SLC4A4: variants seen among roughly 807,000 people sequenced by gnomAD.
SLC4A4 encodes electrogenic sodium bicarbonate cotransporter 1.
SLC4A4 carries 27 observed loss-of-function variants against 111.5 expected under a neutral mutation model. The observed-to-expected ratio is 0.24, with a 90% CI of 0.18 to 0.33. SLC4A4 has a LOEUF of 0.33. Among genes scored for constraint, SLC4A4 ranks in the 10% least tolerant of loss-of-function variants. The pLI is 1.00. For synonymous variants in SLC4A4, 443 were observed against 463.4 expected, an observed-to-expected ratio of 0.96 and a Z score of 0.57; for missense variants, 909 against 1,315.5, an observed-to-expected ratio of 0.69 and a Z score of 4.78.
At chr4:71,212,882 G>T (rs903704601) in intron 1 of SLC4A4, among the ~76,000 whole-genome samples, 29 of 152,126 alleles carry the variant, frequency 1.9e-4, no homozygotes, top group African/African-American at 6.5e-4. Context: ...CGATGTTTTG[G>T]TCAATGATGG....
intron 3 of SLC4A4, among the ~76,000 whole-genome samples, chr4:71,274,128 A>G (rs1427322493): frequency 1.3e-5 from 2 of 152,206 alleles, no homozygotes; most frequent in African/African-American, 2.4e-5. Flanking sequence ...TGTATTATAT[A>G]CTGTATTCAT....
intron 3 of SLC4A4, among the ~76,000 whole-genome samples, chr4:71,302,674 C>A (rs1725368296): frequency 6.6e-6 from 1 of 152,156 alleles, no homozygotes; most frequent in Admixed American, 6.5e-5. Context: ...TAGTTTTTGA[C>A]AGCCTGTTTC....
At chr4:71,179,094 T>A (rs539653009) in intron 2 of SLC4A4, among the ~76,000 whole-genome samples, 5 of 152,226 alleles carry the variant, frequency 3.3e-5, no homozygotes, top group Non-Finnish European at 7.4e-5. Flanking sequence ...ACAGAACCAA[T>A]GACAAAAACC....
chr4:71,261,330 T>C (rs1721839925), intron 3 of SLC4A4, among the ~76,000 whole-genome samples: 1 of 152,224 alleles, frequency 6.6e-6, no homozygotes, highest in Non-Finnish European at 1.5e-5. Context: ...TTCCCCGTTC[T>C]GGATGCCTGA....
At chr4:71,080,949 G>A (rs1328737883) in intron 1 of SLC4A4, among the ~76,000 whole-genome samples, 1 of 152,104 alleles carries the variant, frequency 6.6e-6, no homozygotes, top group African/African-American at 2.4e-5. Flanking sequence ...TTAATCAGCT[G>A]CAGTTTCTTC....
chr4:71,287,393 A>G (rs1724002731), intron 3 of SLC4A4, among the ~76,000 whole-genome samples: 1 of 152,268 alleles, frequency 6.6e-6, no homozygotes, highest in African/African-American at 2.4e-5. Flanking sequence ...TGATCTGCAT[A>G]CATTCTGATA....
intron 6 of SLC4A4, among the ~76,000 whole-genome samples, chr4:71,383,776 CTTTTTTCATGATA>C (rs1321392917): frequency 6.6e-6 from 1 of 151,978 alleles, no homozygotes; most frequent in Non-Finnish European, 1.5e-5. Context: ...CTTATTTTGT[CTTTTTTCATGATA>C]TTAATAACAT....
chr4:71,332,420 T>C (rs1472710150), intron 3 of SLC4A4, among the ~76,000 whole-genome samples: 1 of 151,892 alleles, frequency 6.6e-6, no homozygotes, highest in African/African-American at 2.4e-5. Flanking sequence ...TCTTTTTTCT[T>C]TTGTCTCCTC....
At chr4:71,450,628 C>T (rs1156310425) in intron 10 of SLC4A4, 85 bp downstream of exon 10, 17 of 1,265,396 alleles carry the variant, frequency 1.3e-5, no homozygotes, top group Admixed American at 1.0e-4. Flanking sequence ...TGAAGTCAAC[C>T]TGTTGTTCTA....
intron 4 of SLC4A4, among the ~76,000 whole-genome samples, chr4:71,345,110 T>C (rs546990833): frequency 1.3e-5 from 2 of 152,236 alleles, no homozygotes; most frequent in South Asian, 2.1e-4. Flanking sequence ...TCTTCCAAAA[T>C]AGAGCACAAG....
chr4:71,189,648 A>C (rs1048345691), intron 1 of SLC4A4, among the ~76,000 whole-genome samples: 7 of 152,204 alleles, frequency 4.6e-5, no homozygotes, highest in African/African-American at 1.4e-4. Context: ...AATGCACACT[A>C]GCTGGTGAAT....
chr4:71,471,114 A>T (rs905675320), intron 13 of SLC4A4, among the ~76,000 whole-genome samples: 2 of 152,018 alleles, frequency 1.3e-5, no homozygotes, highest in East Asian at 3.9e-4. Context: ...TTGAGCTATC[A>T]TAGGAACAGT....
chr4:71,380,570 C>T (rs145874777), intron 6 of SLC4A4, among the ~76,000 whole-genome samples: 230 of 152,294 alleles, frequency 1.5e-3, no homozygotes, highest in African/African-American at 5.3e-3. Context: ...GCATCTGGGT[C>T]CTGGCCTGAG....
chr4:71,171,875 G>C (rs577877820), intron 2 of SLC4A4, among the ~76,000 whole-genome samples: 101 of 152,304 alleles, frequency 6.6e-4, no homozygotes, highest in African/African-American at 2.4e-3. Context: ...TAAATAAATA[G>C]TCAATACTTT....
chr4:71,284,103 T>C (rs1418656627), intron 3 of SLC4A4, among the ~76,000 whole-genome samples: 1 of 152,234 alleles, frequency 6.6e-6, no homozygotes, highest in Non-Finnish European at 1.5e-5. Context: ...AATTAGCCTC[T>C]ATCAGTTATA....
At chr4:71,244,773 C>CTTTTTT (rs11440449) in intron 2 of SLC4A4, among the ~76,000 whole-genome samples, 2 of 146,016 alleles carry the variant, frequency 1.4e-5, no homozygotes, top group Non-Finnish European at 3.0e-5. Context: ...ATGGACCATG[C>CTTTTTT]TTTTTTTTTT....
At chr4:71,279,191 T>A (rs550762300) in intron 3 of SLC4A4, among the ~76,000 whole-genome samples, 28 of 152,202 alleles carry the variant, frequency 1.8e-4, no homozygotes, top group Non-Finnish European at 3.1e-4. Flanking sequence ...ACTCATCCTG[T>A]CTAATTGAAA....
chr4:71,133,283 G>A (rs1025889580), intron 2 of SLC4A4, among the ~76,000 whole-genome samples: 6 of 152,092 alleles, frequency 3.9e-5, no homozygotes, highest in South Asian at 2.1e-4. Flanking sequence ...AAGCTTTACC[G>A]TATGTTTTAG....
At chr4:71,486,140 A>G (rs1479671363) in intron 14 of SLC4A4, among the ~76,000 whole-genome samples, 1 of 151,578 alleles carries the variant, frequency 6.6e-6, no homozygotes, top group African/African-American at 2.4e-5. Flanking sequence ...GTTGTTTTAT[A>G]ATATTTCTAT....
Sources: allele counts gnomAD v4.1 joint callset (sites outside exome capture counted in the v4.1 genomes callset), GRCh38; gene constraint gnomAD v4.1.1; transcripts MANE v1.5; gene names NCBI Gene and HGNC (gene_info 2026-07-23, HGNC 2026-07-21).